The following NHSL2 variants were observed in gnomAD, a reference collection of about 807,000 sequenced individuals.
The protein encoded by NHSL2 is NHS like 2, also known as NHS-like protein 2.
NHSL2 carries 27 observed loss-of-function variants against 53.4 expected under a neutral mutation model. That is an observed-to-expected ratio of 0.51 (90% CI 0.37 to 0.70). NHSL2 has a LOEUF of 0.70. Ranked by LOEUF, NHSL2 falls within the 30% of genes least tolerant of loss-of-function variation. The pLI is 0.00. For synonymous variants in NHSL2, 408 were observed against 404.1 expected (o/e 1.01, Z -0.12); for missense variants, 892 against 980.1 (o/e 0.91, Z 1.20).
chrX:72,042,265 C>T (rs775347996), intron 1 of NHSL2, among the ~76,000 whole-genome samples: 1 of 112,900 alleles, frequency 8.9e-6, no homozygotes, highest in East Asian at 2.8e-4. Context: ...GTTCAAACCA[C>T]AGGGTCAGGC....
chrX:72,095,834 C>T (rs1334710386), intron 1 of NHSL2, among the ~76,000 whole-genome samples: 1 of 111,816 alleles, frequency 8.9e-6, no homozygotes, highest in Non-Finnish European at 1.9e-5. Context: ...AGAGCAATAA[C>T]ACAGGGTTAT....
chrX:72,133,090 C>T (rs1239509613), intron 2 of NHSL2, among the ~76,000 whole-genome samples: 1 of 112,424 alleles, frequency 8.9e-6, no homozygotes, highest in Admixed American at 9.3e-5. Flanking sequence ...AGTCGATGTG[C>T]TCTGTGTTGC....
At chrX:72,108,477 C>T (rs2042064004) in intron 1 of NHSL2, among the ~76,000 whole-genome samples, 1 of 112,792 alleles carries the variant, frequency 8.9e-6, no homozygotes, top group Non-Finnish European at 1.9e-5. Flanking sequence ...ACGTGAATCT[C>T]CCAGGGTCAC....
intron 1 of NHSL2, among the ~76,000 whole-genome samples, chrX:72,102,422 A>G (rs1433818344): frequency 4.5e-5 from 5 of 111,804 alleles, no homozygotes; most frequent in South Asian, 7.5e-4. Context: ...CAACCCTGCT[A>G]TTTCCTGTAT....
chrX:72,126,949 C>T (rs778902631), intron 1 of NHSL2, among the ~76,000 whole-genome samples: 3 of 111,883 alleles, frequency 2.7e-5, no homozygotes, highest in South Asian at 3.7e-4. Flanking sequence ...CACAAATGCA[C>T]AGAACTGTAG....
intron 1 of NHSL2, among the ~76,000 whole-genome samples, chrX:71,923,666 C>T (rs1237825904): frequency 1.8e-5 from 2 of 111,928 alleles, no homozygotes; most frequent in Non-Finnish European, 3.8e-5. Context: ...CCTCCTGCGT[C>T]CCTGCTGGCA....
At chrX:71,924,064 T>C (rs1478747524) in intron 1 of NHSL2, among the ~76,000 whole-genome samples, 1 of 111,958 alleles carries the variant, frequency 8.9e-6, no homozygotes, top group African/African-American at 3.3e-5. Context: ...CATTGTACTA[T>C]AACTTTGCCA....
chrX:72,142,085 T>A, intron 6 of NHSL2, 147 bp from the exon 7 acceptor site: 1 of 432,706 alleles, frequency 2.3e-6, no homozygotes, highest in East Asian at 3.8e-5. Flanking sequence ...AACTTCATAT[T>A]CCTCCTCTGC....
At chrX:71,984,263 A>G in intron 1 of NHSL2, among the ~76,000 whole-genome samples, 1 of 112,134 alleles carries the variant, frequency 8.9e-6, no homozygotes, top group Non-Finnish European at 1.9e-5. Flanking sequence ...ACAAAAGGTG[A>G]TATCTTGAAG....
chrX:72,142,189 T>A, intron 6 of NHSL2, 43 bp from the exon 7 acceptor site: 1 of 1,085,801 alleles, frequency 9.2e-7, no homozygotes, highest in Non-Finnish European at 1.2e-6. Flanking sequence ...CTTTGTCCTA[T>A]CTACTGTGGT....
intron 1 of NHSL2, among the ~76,000 whole-genome samples, chrX:71,927,805 C>T (rs991183529): frequency 4.0e-4 from 45 of 111,484 alleles, no homozygotes; most frequent in African/African-American, 1.2e-3. Context: ...GTGATCCACC[C>T]GCCTCTGCCT....
intron 1 of NHSL2, among the ~76,000 whole-genome samples, chrX:72,126,454 T>C (rs2042226354): frequency 9.0e-6 from 1 of 111,452 alleles, no homozygotes; most frequent in Admixed American, 9.5e-5. Flanking sequence ...GTAAGGGTAG[T>C]TAGTTCTTTC....
At chrX:72,072,829 T>C (rs1183532195) in intron 1 of NHSL2, among the ~76,000 whole-genome samples, 1 of 112,259 alleles carries the variant, frequency 8.9e-6, no homozygotes, top group East Asian at 2.8e-4. Context: ...CCTAGTAAAA[T>C]GTAAGCTTTT....
chrX:71,925,487 C>T lies in NHSL2; in HGVS notation c.280+14120C>T, dbSNP rs774870714. 1.2e-3 allele frequency among the ~76,000 whole-genome samples: 130 copies of T among 107,528 alleles called. 1 individual carries two copies. The highest frequency in any genetic ancestry group is 9.5e-3 in the Middle Eastern group (2 of 210). 93.4% of individuals were successfully genotyped at this position (107,528 alleles called of 115,157 possible). ...AGGCTGGAGTGCTGGAGTGCAGTGG[C>T]GCGATCTCAGCTCACTGCAAGCTCC... On this transcript the variant is annotated intron_variant, in intron 1 of 7. Transcript: ENST00000633930.
chrX:72,066,253 G>A (rs1004642191), intron 1 of NHSL2, among the ~76,000 whole-genome samples: 2 of 111,630 alleles, frequency 1.8e-5, no homozygotes, highest in Non-Finnish European at 1.9e-5. Flanking sequence ...CAGTGAATGC[G>A]TAGGGGAGGG....
intron 1 of NHSL2, among the ~76,000 whole-genome samples, chrX:72,070,849 G>C (rs944930158): frequency 9.0e-6 from 1 of 111,351 alleles, no homozygotes; most frequent in East Asian, 2.8e-4. Flanking sequence ...ATTCGGGCCT[G>C]TGAGAAGGAA....
At chrX:72,009,766 G>A (rs1476356241) in intron 1 of NHSL2, among the ~76,000 whole-genome samples, 1 of 112,637 alleles carries the variant, frequency 8.9e-6, no homozygotes, top group East Asian at 2.8e-4. Flanking sequence ...TGAGGGCAGG[G>A]ACTTTGTTCT....
intron 1 of NHSL2, among the ~76,000 whole-genome samples, chrX:72,091,919 G>C (rs1188655725): frequency 9.0e-6 from 1 of 111,695 alleles, no homozygotes; most frequent in Non-Finnish European, 1.9e-5. Context: ...TTGGAAGCCA[G>C]TTTGCTGGCA....
intron 1 of NHSL2, among the ~76,000 whole-genome samples, chrX:72,120,953 G>A (rs1222725142): frequency 2.7e-5 from 3 of 112,607 alleles, no homozygotes; most frequent in African/African-American, 9.7e-5. Context: ...TGAGGGCCTG[G>A]GGAAGAGCAG....
Sources: allele counts gnomAD v4.1 joint callset (sites outside exome capture counted in the v4.1 genomes callset), GRCh38; gene constraint gnomAD v4.1.1; transcripts MANE v1.5; gene names NCBI Gene and HGNC (gene_info 2026-07-23, HGNC 2026-07-21).